PAPLN: variants seen among roughly 807,000 people sequenced by gnomAD.
PAPLN encodes the protein papilin.
In PAPLN, 146 loss-of-function variants were observed where a neutral mutation model predicts 159.0. The observed-to-expected ratio is 0.92, with a 90% CI of 0.80 to 1.05. The LOEUF (loss-of-function observed/expected upper bound fraction) is 1.05. PAPLN is among the 50% of genes least tolerant of loss of function. PAPLN has a pLI of 0.00. For synonymous variants in PAPLN, 734 were observed against 702.9 expected (o/e 1.04, Z -0.70); for missense variants, 1,720 against 1,743.9 (o/e 0.99, Z 0.24).
chr14:73,258,876 G>C, intron 14 of PAPLN, 103 bp from the exon 15 acceptor site: 1 of 1,094,750 alleles, frequency 9.1e-7, no homozygotes, highest in Non-Finnish European at 1.2e-6. Context: ...GGCCCTGCCT[G>C]GGCAGTGGGG....
rs1171648137 is a variant in PAPLN at position 73,260,715 on chromosome 14, G to A, written c.1992G>A (p.Gly664=). ...PGAPCQQSRY[G]CCPDRVSVAE... is the part of the protein sequence containing the mutation. ...CTGTGTGATGTCTGCCTAGGTACGG[G>A]TGCTGCCCTGACAGGGTATCTGTCG... The change falls in exon 17 of 27, where the codon GGG becomes GGA. Residue 664 remains glycine, a synonymous_variant. Coordinates refer to ENST00000644200, the MANE Select transcript of PAPLN (RefSeq NM_001365906.3). 1 of 1,468,222 alleles carries A rather than the reference G, an allele frequency of 6.8e-7. No individual in the cohort carries two copies. Among genetic ancestry groups the A allele is most frequent in the Non-Finnish European group, 9.0e-7 (1 of 1,113,914 alleles). The allele number at this position is 1,468,222 out of a possible 1,614,324, so 90.9% of individuals were successfully genotyped here.
At chr14:73,244,828 C>CT (rs1282142281) in intron 3 of PAPLN, 69 bp downstream of exon 3, 24 of 1,336,522 alleles carry the variant, frequency 1.8e-5, no homozygotes, top group Non-Finnish European at 2.4e-5. Flanking sequence ...GGGTGGTGGG[C>CT]TAGGTGGTCG....
rs142742514 is a variant in PAPLN at position 73,238,962 on chromosome 14, C to T, written c.-6-811C>T. Among the ~76,000 whole-genome samples the T allele has an allele frequency of 1.4e-3, 207 of 152,354 alleles. 2 individuals carry two copies. The highest frequency in any genetic ancestry group is 4.9e-3 in the African/African-American group (203 of 41,572). On this transcript the variant is annotated intron_variant, in intron 1 of 26. Coordinates refer to ENST00000644200, the MANE Select transcript of PAPLN (RefSeq NM_001365906.3). ...ACATTGTTTATGTCATTCTGCGATA[C>T]AGCGACATGTATGTACACATACACA...
intron 1 of PAPLN, among the ~76,000 whole-genome samples, chr14:73,238,096 G>T (rs1883166376): frequency 6.6e-6 from 1 of 152,324 alleles, no homozygotes; most frequent in East Asian, 1.9e-4. Context: ...CCTGGTCAGG[G>T]CTGGACCGAT....
intron 5 of PAPLN, among the ~76,000 whole-genome samples, chr14:73,247,456 C>G (rs549375057): frequency 6.6e-4 from 100 of 152,014 alleles, no homozygotes; most frequent in African/African-American, 1.3e-3. Context: ...TATATTCTCT[C>G]TGTGTGTGTG....
intron 22 of PAPLN, 134 bp downstream of exon 22, chr14:73,264,860 C>G: frequency 7.0e-7 from 1 of 1,421,206 alleles, no homozygotes; most frequent in Non-Finnish European, 9.5e-7. Context: ...GAGGCCAGGC[C>G]TAGAAAAACA....
intron 12 of PAPLN, among the ~76,000 whole-genome samples, chr14:73,254,281 A>G (rs149714600): frequency 1.9e-4 from 29 of 152,260 alleles, no homozygotes; most frequent in African/African-American, 6.3e-4. Flanking sequence ...CGTATATTCA[A>G]GTTGCAAATG....
At chr14:73,268,424 C>T in intron 25 of PAPLN, 133 bp from the exon 26 acceptor site, 2 of 915,382 alleles carry the variant, frequency 2.2e-6, no homozygotes, top group Non-Finnish European at 1.6e-6. Flanking sequence ...CTTGATTTCT[C>T]CCTGTCCTCC....
chr14:73,250,450 C>A (rs1885115236), intron 6 of PAPLN, among the ~76,000 whole-genome samples: 1 of 152,220 alleles, frequency 6.6e-6, no homozygotes. Context: ...TTGGGTCCAG[C>A]ATCAGGATCT....
At chr14:73,257,453 A>T (rs1264632593) in intron 14 of PAPLN, among the ~76,000 whole-genome samples, 1 of 152,142 alleles carries the variant, frequency 6.6e-6, no homozygotes, top group East Asian at 1.9e-4. Flanking sequence ...ATTAAAAAAA[A>T]ATTCTTATTG....
intron 15 of PAPLN, 41 bp downstream of exon 15, chr14:73,259,100 T>G: frequency 6.3e-7 from 1 of 1,576,422 alleles, no homozygotes; most frequent in Non-Finnish European, 8.6e-7. Flanking sequence ...GCCCTGTAGT[T>G]TTTGTGTCTG....
At position 73,259,456 on chromosome 14, in the gene PAPLN, C is replaced by T; in HGVS notation, c.1896C>T (p.His632=). Residue 632 remains histidine (H), a synonymous_variant, in exon 16 of 27, where the codon CAC becomes CAT. Coordinates refer to ENST00000644200, the MANE Select transcript of PAPLN (RefSeq NM_001365906.3). ...GCTCAGGGCCCCACGACTGCAGACA[C>T]AGTCCTCACGGGTGCTGCCCCGATG... ...RSGSGPHDCR[H]SPHGCCPDGH... 6.2e-7 allele frequency: 1 copy of T among 1,612,204 alleles called. No homozygotes were observed.
rs1335391928 is a variant in PAPLN at position 73,251,026 on chromosome 14, CCGAGGTGGGGGTGGT to C, written c.586_589+11del. On this transcript the variant is annotated splice_donor_variant and splice_donor_5th_base_variant and coding_sequence_variant and intron_variant, in exon 7 of 27. Coordinates refer to ENST00000644200, the MANE Select transcript of PAPLN (RefSeq NM_001365906.3). LOFTEE classifies it high-confidence loss of function. ...GCACCTTTGACGCTAATGACCTCAG[CCGAGGTGGGGGTGGT>C]TCCGACAAGGGGCAGTTGCCTGCCC... 4 of 1,610,732 alleles carry C rather than the reference CCGAGGTGGGGGTGGT, an allele frequency of 2.5e-6. No individual in the cohort carries two copies. Among genetic ancestry groups the C allele is most frequent in the Non-Finnish European group, 3.4e-6 (4 of 1,178,518 alleles).
rs1883334729 is a variant in PAPLN at position 73,239,796 on chromosome 14, C to T, written c.18C>T (p.Leu6=). The T allele has an allele frequency of 3.1e-6, 5 of 1,594,368 alleles. No homozygotes were observed. Among genetic ancestry groups the T allele is most frequent in the Non-Finnish European group, 2.6e-6 (3 of 1,176,354 alleles). The change falls in exon 2 of 27, where the codon CTC becomes CTT. Residue 6 remains leucine (L), a synonymous_variant. Transcript: ENST00000644200. MRLLL[L]VPLLLAPAPG... ...AGGCTGAGATGCGGCTGCTCCTGCT[C>T]GTGCCGCTGCTGCTGGCTCCAGCGC...
chr14:73,244,482 G>A (rs967769308), intron 2 of PAPLN, 162 bp from the exon 3 acceptor site: 51 of 598,980 alleles, frequency 8.5e-5, no homozygotes, highest in African/African-American at 7.6e-5. Context: ...ATATGTTTTG[G>A]GGTGCCCGGC....
chr14:73,245,235 C>T lies in PAPLN; in HGVS notation c.171-401C>T. 1 of 224,344 alleles carries T rather than the reference C, an allele frequency of 4.5e-6. No homozygotes were observed. Among genetic ancestry groups the T allele is most frequent in the South Asian group, 7.1e-5 (1 of 14,182 alleles). The allele number at this position is 224,344 out of a possible 1,614,324, so 13.9% of individuals were successfully genotyped here. ...TGTCCCGGTTTGTATAGGGGTTGTT[C>T]CTGAGAACCCTATGTGAGGAGGAAT... On this transcript the variant is annotated intron_variant, in intron 3 of 26. Coordinates refer to ENST00000644200, the MANE Select transcript of PAPLN (RefSeq NM_001365906.3). This position sits in a 1 kb window ranked among gnomAD's most constrained non-coding sequence, Gnocchi z 4.2.
chr14:73,264,802 G>A (rs1348456025), intron 22 of PAPLN, 76 bp downstream of exon 22: 5 of 1,595,054 alleles, frequency 3.1e-6, no homozygotes, highest in Non-Finnish European at 4.3e-6. Context: ...ATAAGGAGGG[G>A]AACGTCTGCT....
At chr14:73,271,310 T>C (rs903969272) in intron 26 of PAPLN, among the ~76,000 whole-genome samples, 2 of 152,156 alleles carry the variant, frequency 1.3e-5, no homozygotes, top group Admixed American at 6.5e-5. Flanking sequence ...TATACCAATA[T>C]ACCAAACGTT....
rs1884173846 is a variant in PAPLN at position 73,245,742 on chromosome 14, C to T, written c.231+46C>T. ...GCGAAGGCACCAGCTTCCCCAGCCC[C>T]TCCTGGCCGATTTCCCCATTGGGAT... is the stretch of plus-strand genomic sequence containing the variant. On this transcript the variant is annotated intron_variant, in intron 4 of 26. Transcript: ENST00000644200. The surrounding 1 kb of genome is among the most constrained non-coding windows in gnomAD (Gnocchi z 4.2). 1 of 1,532,886 alleles carries T rather than the reference C, an allele frequency of 6.5e-7. No homozygotes were observed. Among genetic ancestry groups the T allele is most frequent in the Non-Finnish European group, 8.7e-7 (1 of 1,143,870 alleles). 95.0% of individuals were successfully genotyped at this position (1,532,886 alleles called of 1,614,324 possible). A position where few individuals can be genotyped will look rare whatever the true frequency, so the allele number is the denominator to read the frequency against.
Sources: gnomAD v4.1 joint callset for allele counts (sites outside exome capture counted in the v4.1 genomes callset) on GRCh38, gnomAD v4.1.1 for gene constraint, Gnocchi (gnomAD v3.1) non-coding constraint, MANE v1.5 for transcripts, NCBI Gene and HGNC (gene_info 2026-07-23, HGNC 2026-07-21) for gene names.